Variants in CLYBL observed in about 807,000 individuals in gnomAD.
The protein encoded by CLYBL is citramalyl-CoA lyase, also known as citramalyl-CoA lyase, mitochondrial.
A neutral mutation model predicts 38.9 loss-of-function variants in CLYBL; 31 were observed. The ratio of observed to expected loss-of-function variants is 0.80; its 90% CI spans 0.60 to 1.08. The LOEUF (loss-of-function observed/expected upper bound fraction) is 1.08. CLYBL is among the 50% of genes least tolerant of loss of function. CLYBL has a pLI of 0.00. For synonymous variants in CLYBL, 171 were observed against 158.6 expected, an observed-to-expected ratio of 1.08 and a Z score of -0.59; for missense variants, 434 against 411.6, an observed-to-expected ratio of 1.05 and a Z score of -0.47.
chr13:99,680,335 A>C (rs534819039), intron 1 of CLYBL, among the ~76,000 whole-genome samples: 2 of 152,328 alleles, frequency 1.3e-5, no homozygotes, highest in African/African-American at 4.8e-5. Context: ...CCTAGATTCT[A>C]CTTTCATTGT....
chr13:99,610,505 C>T (rs1264086442), intron 1 of CLYBL, among the ~76,000 whole-genome samples: 1 of 152,204 alleles, frequency 6.6e-6, no homozygotes, highest in African/African-American at 2.4e-5. Flanking sequence ...TATTCTTTGT[C>T]ATGTGCAACC....
chr13:99,761,335 AGAGT>A (rs1400204767), intron 1 of CLYBL, among the ~76,000 whole-genome samples: 1 of 152,268 alleles, frequency 6.6e-6, no homozygotes. Flanking sequence ...CCTAGGCGAC[AGAGT>A]GAGACGCCAA....
intron 1 of CLYBL, among the ~76,000 whole-genome samples, chr13:99,624,976 GA>G (rs1475965639): frequency 7.2e-5 from 11 of 152,182 alleles, no homozygotes; most frequent in Non-Finnish European, 2.9e-5. Flanking sequence ...CTTCACCTCA[GA>G]CACTCCAGGT....
At chr13:99,679,293 C>CAA (rs748632092) in intron 1 of CLYBL, among the ~76,000 whole-genome samples, 5 of 35,804 alleles carry the variant, frequency 1.4e-4, no homozygotes, top group Admixed American at 1.2e-3. Context: ...GACTCCGACT[C>CAA]AAAAAAAAAA....
intron 1 of CLYBL, among the ~76,000 whole-genome samples, chr13:99,660,958 C>T (rs1255629040): frequency 6.6e-6 from 1 of 151,822 alleles, no homozygotes; most frequent in Non-Finnish European, 1.5e-5. Flanking sequence ...AAAAATGTTG[C>T]TACAAATTTC....
At chr13:99,730,639 G>T (rs2048572191) in intron 1 of CLYBL, among the ~76,000 whole-genome samples, 2 of 152,274 alleles carry the variant, frequency 1.3e-5, no homozygotes, top group South Asian at 4.1e-4. Context: ...AGCCGCCCAA[G>T]ATGATAGACA....
intron 7 of CLYBL, among the ~76,000 whole-genome samples, chr13:99,880,930 C>T (rs1441913976): frequency 6.6e-6 from 1 of 152,228 alleles, no homozygotes; most frequent in Non-Finnish European, 1.5e-5. Context: ...ATCCTCCCAA[C>T]CTCCTGCACG....
At chr13:99,756,129 T>G (rs1349026927) in intron 1 of CLYBL, among the ~76,000 whole-genome samples, 2 of 152,156 alleles carry the variant, frequency 1.3e-5, no homozygotes, top group Non-Finnish European at 2.9e-5. Flanking sequence ...ACCCCTGCAC[T>G]TCTACAATGA....
intron 1 of CLYBL, among the ~76,000 whole-genome samples, chr13:99,763,570 A>G (rs1337097663): frequency 1.3e-5 from 1 of 75,940 alleles, no homozygotes; most frequent in East Asian, 3.5e-4. Context: ...TTTTTTTTTT[A>G]CTAGACAGAG....
At chr13:99,608,404 G>A (rs970307668) in intron 1 of CLYBL, among the ~76,000 whole-genome samples, 1 of 152,158 alleles carries the variant, frequency 6.6e-6, no homozygotes, top group Non-Finnish European at 1.5e-5. Context: ...TTCTTGCACT[G>A]TGACTCTTCA....
At chr13:99,703,545 A>G (rs909906181) in intron 1 of CLYBL, among the ~76,000 whole-genome samples, 7 of 151,736 alleles carry the variant, frequency 4.6e-5, no homozygotes, top group Admixed American at 1.3e-4. Flanking sequence ...AATTTTTTGT[A>G]TTTTTAGTAG....
intron 1 of CLYBL, among the ~76,000 whole-genome samples, chr13:99,766,433 TATCTTAA>T (rs1407820110): frequency 6.6e-6 from 1 of 152,206 alleles, no homozygotes; most frequent in Admixed American, 6.5e-5. Flanking sequence ...TTTTCTGTGG[TATCTTAA>T]AGATCACTGA....
At chr13:99,843,854 G>A (rs111993873) in intron 2 of CLYBL, among the ~76,000 whole-genome samples, 4,001 of 152,162 alleles carry the variant, frequency 0.026, 99 homozygotes, top group Non-Finnish European at 0.04. Context: ...TGCCCACCTC[G>A]GCCTCCCAAA....
chr13:99,883,337 G>A (rs896474567), intron 7 of CLYBL, among the ~76,000 whole-genome samples: 1 of 151,990 alleles, frequency 6.6e-6, no homozygotes, highest in Non-Finnish European at 1.5e-5. Flanking sequence ...TGGCCAACAT[G>A]GTGAAACCCC....
chr13:99,701,418 C>A (rs2048063780), intron 1 of CLYBL, among the ~76,000 whole-genome samples: 1 of 152,066 alleles, frequency 6.6e-6, no homozygotes, highest in Non-Finnish European at 1.5e-5. Context: ...TCACACTGTT[C>A]TCCTGCCTCA....
At chr13:99,637,637 A>G (rs1442367875) in intron 1 of CLYBL, among the ~76,000 whole-genome samples, 1 of 152,176 alleles carries the variant, frequency 6.6e-6, no homozygotes, top group African/African-American at 2.4e-5. Context: ...ACGCACCTGT[A>G]ATCCCAGCTA....
At chr13:99,839,040 T>C (rs2051005462) in intron 2 of CLYBL, among the ~76,000 whole-genome samples, 1 of 152,232 alleles carries the variant, frequency 6.6e-6, no homozygotes, top group Non-Finnish European at 1.5e-5. Context: ...GTTAAGCATA[T>C]TGAGCAGATG....
intron 2 of CLYBL, among the ~76,000 whole-genome samples, chr13:99,848,834 TG>T (rs2051267016): frequency 6.6e-6 from 1 of 151,916 alleles, no homozygotes; most frequent in Non-Finnish European, 1.5e-5. Flanking sequence ...AGCATGGCGG[TG>T]GTTAATAGTA....
intron 1 of CLYBL, among the ~76,000 whole-genome samples, chr13:99,693,679 C>T (rs1245357532): frequency 6.6e-6 from 1 of 152,088 alleles, no homozygotes; most frequent in African/African-American, 2.4e-5. Context: ...CCCTGTTTGA[C>T]ATGGTTCAGG....
Sources: gnomAD v4.1 joint callset for allele counts (sites outside exome capture counted in the v4.1 genomes callset) on GRCh38, gnomAD v4.1.1 for gene constraint, MANE v1.5 for transcripts, NCBI Gene and HGNC (gene_info 2026-07-23, HGNC 2026-07-21) for gene names.